INTS3: variants seen among roughly 807,000 people sequenced by gnomAD.
The protein encoded by INTS3 is SOSS complex subunit A.
INTS3 carries 34 observed loss-of-function variants against 146.3 expected under a neutral mutation model. The observed-to-expected ratio is 0.23, with a 90% CI of 0.18 to 0.31. INTS3 has a LOEUF of 0.31. INTS3 is among the 10% of genes least tolerant of loss of function. INTS3 has a pLI of 1.00. For synonymous variants in INTS3, 475 were observed against 494.9 expected (o/e 0.96, Z 0.53); for missense variants, 757 against 1,304.2 (o/e 0.58, Z 6.46).
chr1:153,768,973 G>T lies in INTS3; in HGVS notation c.2313+12G>T. ...TTGACTCTGCACAGGTGAACATTGAGCTCTGACCTCCCCAGAAGATCTGGG... is the reference window on the plus strand; with the variant it reads ...TTGACTCTGCACAGGTGAACATTGATCTCTGACCTCCCCAGAAGATCTGGG... On this transcript the variant is annotated intron_variant, in intron 22 of 29. Transcript: ENST00000318967. The T allele has an allele frequency of 6.2e-7, 1 of 1,608,386 alleles. No homozygotes were observed. Among genetic ancestry groups the T allele is most frequent in the Non-Finnish European group, 8.5e-7 (1 of 1,175,022 alleles).
intron 1 of INTS3, among the ~76,000 whole-genome samples, chr1:153,734,350 A>G (rs1435958218): frequency 1.3e-5 from 2 of 152,162 alleles, no homozygotes; most frequent in Non-Finnish European, 1.5e-5. Context: ...TTTGTAATCA[A>G]TTTTCCCATC....
intron 23 of INTS3, 38 bp downstream of exon 23, chr1:153,769,882 G>A (rs778368850): frequency 2.2e-6 from 3 of 1,384,954 alleles, no homozygotes; most frequent in East Asian, 2.3e-5. Context: ...GGAGAGGAGA[G>A]GAGGGCAGGG....
Position 153,754,633 on chromosome 1 carries a change from T to C in INTS3, c.860-9T>C, listed in dbSNP as rs1345007656. On this transcript the variant is annotated splice_polypyrimidine_tract_variant and intron_variant, in intron 8 of 29. Transcript: ENST00000318967. ...TCCTCTTTTCTCTTCCCTTCCACATTTGATTCAGGTATCCTACAGCTTCTT... is the reference window on the plus strand; with the variant it reads ...TCCTCTTTTCTCTTCCCTTCCACATCTGATTCAGGTATCCTACAGCTTCTT... The C allele has an allele frequency of 1.3e-6, 2 of 1,584,366 alleles. No individual in the cohort carries two copies. The highest frequency in any genetic ancestry group is 1.7e-6 in the Non-Finnish European group (2 of 1,152,978).
intron 5 of INTS3, chr1:153,748,290 C>T (rs533782813): frequency 3.9e-6 from 1 of 258,786 alleles, no homozygotes; most frequent in South Asian, 4.7e-5. Context: ...CAGTGCAGGA[C>T]TCAGGACATC....
chr1:153,760,264 A>C, intron 11 of INTS3, 47 bp from the exon 12 acceptor site: 1 of 788,308 alleles, frequency 1.3e-6, no homozygotes, highest in South Asian at 1.4e-5. Flanking sequence ...AAAAAGAGAG[A>C]GAGAGACTGA....
At position 153,774,512 on chromosome 1, in the gene INTS3, CCA is replaced by C. The variant is rs1313534608; in HGVS notation, c.*1245_*1246del. ...GGGAGGGACAGAGATGCTCTTCCTT[CCA>C]CAGTGTGGCCACTTGCTGGGCCATG... On this transcript the variant is annotated 3_prime_UTR_variant, in exon 30 of 30. Transcript: ENST00000318967. 1.3e-5 allele frequency: 2 copies of C among 152,454 alleles called. No individual in the cohort carries two copies. Among genetic ancestry groups the C allele is most frequent in the African/African-American group, 4.8e-5 (2 of 41,422 alleles). The allele number at this position is 152,454 out of a possible 1,614,324, so 9.4% of individuals were successfully genotyped here. A position where few individuals can be genotyped will look rare whatever the true frequency, so the allele number is the denominator to read the frequency against.
chr1:153,752,529 C>A, intron 8 of INTS3, 121 bp downstream of exon 8: 1 of 1,033,422 alleles, frequency 9.7e-7, no homozygotes, highest in Non-Finnish European at 1.4e-6. Context: ...ATTTAGGAAG[C>A]CTGGGACAGG....
At chr1:153,766,115 C>CTTTTTTTTT (rs542483679) in intron 20 of INTS3, among the ~76,000 whole-genome samples, 6 of 84,650 alleles carry the variant, frequency 7.1e-5, no homozygotes, top group Non-Finnish European at 1.3e-4. Context: ...TTTTCTTTCT[C>CTTTTTTTTT]TTTTTTTTTT....
Position 153,757,786 on chromosome 1 carries a change from GGT to G in INTS3, c.1149+25_1149+26del. The G allele has an allele frequency of 6.2e-7, 1 of 1,600,862 alleles. No homozygotes were observed. The highest frequency in any genetic ancestry group is 8.5e-7 in the Non-Finnish European group (1 of 1,169,896). Reference sequence around the variant, plus strand: ...ACGGTGAGGGCAAAAGATACTGGGTGGTGAAGGGTGCCTCTTCCATGGTGTTC... The same window carrying G: ...ACGGTGAGGGCAAAAGATACTGGGTGGAAGGGTGCCTCTTCCATGGTGTTC... On this transcript the variant is annotated intron_variant, in intron 10 of 29. Transcript: ENST00000318967. This position sits in a 1 kb window ranked among gnomAD's most constrained non-coding sequence, Gnocchi z 4.0.
intron 1 of INTS3, 130 bp downstream of exon 1, chr1:153,728,914 A>G (rs1670962601): frequency 1.7e-6 from 1 of 603,984 alleles, no homozygotes; most frequent in Non-Finnish European, 2.8e-6. Context: ...AGTAACACAA[A>G]CACTGCTCCA....
intron 1 of INTS3, among the ~76,000 whole-genome samples, chr1:153,729,459 TC>T (rs922321708): frequency 1.8e-4 from 27 of 152,336 alleles, no homozygotes; most frequent in African/African-American, 5.5e-4. Context: ...AATGAGGACT[TC>T]AGGGGACCTG....
chr1:153,771,186 CAG>C (rs1672844391), intron 25 of INTS3, among the ~76,000 whole-genome samples: 2 of 152,308 alleles, frequency 1.3e-5, no homozygotes, highest in Admixed American at 6.5e-5. Flanking sequence ...CAGGGTGGGG[CAG>C]AGAGGGAGAG....
At chr1:153,765,577 A>C (rs1672548348) in intron 20 of INTS3, among the ~76,000 whole-genome samples, 1 of 150,024 alleles carries the variant, frequency 6.7e-6, no homozygotes, top group Admixed American at 6.7e-5. Context: ...ATTTTTATTT[A>C]TTTATTTTTT....
chr1:153,731,409 C>A (rs1671055179), intron 1 of INTS3, among the ~76,000 whole-genome samples: 1 of 151,930 alleles, frequency 6.6e-6, no homozygotes, highest in African/African-American at 2.4e-5. Context: ...TTGCCCATTC[C>A]CATCCCAATT....
intron 3 of INTS3, among the ~76,000 whole-genome samples, chr1:153,745,800 G>GA (rs1370065826): frequency 6.6e-6 from 1 of 152,170 alleles, no homozygotes; most frequent in Non-Finnish European, 1.5e-5. Context: ...GCATCACAGA[G>GA]AAAAGAATAA....
At chr1:153,765,138 C>G in intron 20 of INTS3, 75 bp downstream of exon 20, 1 of 1,509,784 alleles carries the variant, frequency 6.6e-7, no homozygotes, top group Non-Finnish European at 9.1e-7. Flanking sequence ...GCTGACTCCC[C>G]AACCCTGGAC....
intron 1 of INTS3, among the ~76,000 whole-genome samples, chr1:153,731,579 C>CTTTTT (rs71093282): frequency 7.7e-6 from 1 of 129,812 alleles, no homozygotes. Flanking sequence ...AGAGCGTCCT[C>CTTTTT]TTTTTTTTTT....
chr1:153,759,545 A>G lies in INTS3; in HGVS notation c.1169A>G (p.Asn390Ser), dbSNP rs1200561591. The change falls in exon 11 of 30, where the codon AAT becomes AGT. Residue 390 changes from asparagine (N) to serine (S), a missense_variant. Physicochemically the swap from Asn to Ser is conservative, Grantham distance 46. Coordinates refer to ENST00000318967, the MANE Select transcript of INTS3 (RefSeq NM_023015.5). Reference sequence around the variant, plus strand: ...TTCCAGTCAAATGTCGCTGCCTCCAATGCCAAGCTGGCTTTGTTTTATGAC... The same window carrying G: ...TTCCAGTCAAATGTCGCTGCCTCCAGTGCCAAGCTGGCTTTGTTTTATGAC... ...TTCTSNVAAS[N>S]AKLALFYDWL... 6.2e-6 allele frequency: 10 copies of G among 1,613,582 alleles called. No individual in the cohort carries two copies. Among genetic ancestry groups the G allele is most frequent in the African/African-American group, 1.3e-5 (1 of 74,892 alleles).
intron 20 of INTS3, among the ~76,000 whole-genome samples, chr1:153,765,948 C>T (rs1672563046): frequency 6.6e-6 from 1 of 152,052 alleles, no homozygotes; most frequent in Non-Finnish European, 1.5e-5. Flanking sequence ...TTTATCACCC[C>T]AAAAAGAAAT....
Sources: allele counts gnomAD v4.1 joint callset (sites outside exome capture counted in the v4.1 genomes callset), GRCh38; gene constraint gnomAD v4.1.1; non-coding constraint Gnocchi (gnomAD v3.1); transcripts MANE v1.5; gene names NCBI Gene and HGNC (gene_info 2026-07-23, HGNC 2026-07-21).